ADAMTSL1: variants seen among roughly 807,000 people sequenced by gnomAD.
ADAMTSL1 encodes the protein ADAMTS-like protein 1.
ADAMTSL1 carries 126 observed loss-of-function variants against 201.8 expected under a neutral mutation model. The ratio of observed to expected loss-of-function variants is 0.62; its 90% CI spans 0.54 to 0.72. The LOEUF (loss-of-function observed/expected upper bound fraction) is 0.72, where lower values mean the gene tolerates loss of function less well. Among genes scored for constraint, ADAMTSL1 ranks in the 30% least tolerant of loss-of-function variants. The pLI is 0.00. For synonymous variants in ADAMTSL1, 1,121 were observed against 903.4 expected (o/e 1.24, Z -4.32); for missense variants, 2,679 against 2,277.8 (o/e 1.18, Z -3.59).
intron 2 of ADAMTSL1, among the ~76,000 whole-genome samples, chr9:18,434,575 ATAGG>A (rs769871315): frequency 3.3e-5 from 5 of 152,236 alleles, no homozygotes; most frequent in Non-Finnish European, 5.9e-5. Flanking sequence ...AGAAAATAAA[ATAGG>A]TAGAATACCT....
Position 17,911,701 on chromosome 9 carries a change from A to G in ADAMTSL1, c.87+4779A>G, listed in dbSNP as rs1745046297. ...TTTCTTATTTTATTTTATTACTATTATAATATAAGTTTTAGGGTACATGTG... is the reference window on the plus strand; with the variant it reads ...TTTCTTATTTTATTTTATTACTATTGTAATATAAGTTTTAGGGTACATGTG... On this transcript the variant is annotated intron_variant, in intron 1 of 29. Transcript: ENST00000680146. 2.9e-5 allele frequency among the ~76,000 whole-genome samples: 2 copies of G among 67,958 alleles called. 1 individual carries two copies. Among genetic ancestry groups the G allele is most frequent in the African/African-American group, 5.9e-5 (2 of 33,746 alleles). The allele number at this position is 67,958 out of a possible 152,430, so 44.6% of individuals were successfully genotyped here. A position where few individuals can be genotyped will look rare whatever the true frequency, so the allele number is the denominator to read the frequency against.
At chr9:18,831,111 C>A (rs759190424) in intron 23 of ADAMTSL1, among the ~76,000 whole-genome samples, 1 of 152,184 alleles carries the variant, frequency 6.6e-6, no homozygotes, top group Non-Finnish European at 1.5e-5. Flanking sequence ...CTGAAACTTG[C>A]AAAGAATCTT....
At chr9:18,023,195 C>T (rs1410988709) in intron 1 of ADAMTSL1, among the ~76,000 whole-genome samples, 1 of 152,076 alleles carries the variant, frequency 6.6e-6, no homozygotes, top group Non-Finnish European at 1.5e-5. Flanking sequence ...AACAATGACT[C>T]AAATTGTGGG....
chr9:18,162,379 C>A (rs1827431060), intron 1 of ADAMTSL1, among the ~76,000 whole-genome samples: 1 of 152,086 alleles, frequency 6.6e-6, no homozygotes, highest in South Asian at 2.1e-4. Context: ...AGGTTACTAA[C>A]CCTAATTAGT....
intron 1 of ADAMTSL1, among the ~76,000 whole-genome samples, chr9:17,922,421 C>A (rs948927379): frequency 6.6e-6 from 1 of 152,092 alleles, no homozygotes; most frequent in Non-Finnish European, 1.5e-5. Flanking sequence ...CAACTAAAAG[C>A]TGAGAAGTTT....
intron 16 of ADAMTSL1, among the ~76,000 whole-genome samples, chr9:18,760,078 A>G (rs1008955324): frequency 1.3e-5 from 2 of 152,118 alleles, no homozygotes. Flanking sequence ...AGCTTAATAC[A>G]TACCTGCCTG....
intron 1 of ADAMTSL1, among the ~76,000 whole-genome samples, chr9:18,137,632 C>T (rs990201926): frequency 1.2e-4 from 18 of 151,906 alleles, no homozygotes; most frequent in African/African-American, 3.1e-4. Context: ...ATAACGACTT[C>T]GGAGAAAACT....
chr9:18,614,275 G>A (rs978380516), intron 4 of ADAMTSL1, among the ~76,000 whole-genome samples: 2 of 152,092 alleles, frequency 1.3e-5, no homozygotes, highest in Non-Finnish European at 2.9e-5. Context: ...GTGTATCCTC[G>A]TTCTGCGTGT....
chr9:18,427,307 G>A (rs1819268853), intron 2 of ADAMTSL1, among the ~76,000 whole-genome samples: 1 of 152,318 alleles, frequency 6.6e-6, no homozygotes, highest in South Asian at 2.1e-4. Flanking sequence ...ATACTCAGAT[G>A]TGTTTTCAGT....
chr9:18,395,413 C>T (rs573799407), intron 2 of ADAMTSL1, among the ~76,000 whole-genome samples: 1 of 152,266 alleles, frequency 6.6e-6, no homozygotes, highest in East Asian at 1.9e-4. Context: ...AATGCACATG[C>T]TTTATTCAGA....
At chr9:18,142,251 C>G (rs1422143314) in intron 1 of ADAMTSL1, among the ~76,000 whole-genome samples, 1 of 152,138 alleles carries the variant, frequency 6.6e-6, no homozygotes, top group African/African-American at 2.4e-5. Flanking sequence ...ACAGAGCTCA[C>G]CAAATACATT....
At chr9:18,185,952 A>G (rs992444024) in intron 2 of ADAMTSL1, among the ~76,000 whole-genome samples, 4 of 152,242 alleles carry the variant, frequency 2.6e-5, no homozygotes, top group Non-Finnish European at 5.9e-5. Flanking sequence ...CTAGGATTAA[A>G]TGAAGGCATC....
At chr9:18,096,710 G>C (rs1471872528) in intron 1 of ADAMTSL1, among the ~76,000 whole-genome samples, 1 of 152,114 alleles carries the variant, frequency 6.6e-6, no homozygotes, top group Admixed American at 6.5e-5. Context: ...AAATGTATAT[G>C]TTGTATCATC....
chr9:18,494,833 T>C (rs150102215), intron 1 of ADAMTSL1, among the ~76,000 whole-genome samples: 114 of 152,274 alleles, frequency 7.5e-4, no homozygotes, highest in African/African-American at 2.7e-3. Context: ...CCACCTGGCA[T>C]TTATTAACAC....
intron 5 of ADAMTSL1, among the ~76,000 whole-genome samples, chr9:18,631,089 G>A (rs919296679): frequency 6.6e-6 from 1 of 152,214 alleles, no homozygotes; most frequent in African/African-American, 2.4e-5. Flanking sequence ...ATTGTGAGAT[G>A]TATTCTGATT....
chr9:18,242,212 AAATC>A (rs1348107865), intron 2 of ADAMTSL1, among the ~76,000 whole-genome samples: 4 of 152,196 alleles, frequency 2.6e-5, no homozygotes, highest in Non-Finnish European at 4.4e-5. Flanking sequence ...TAACATATGC[AAATC>A]AATCAATGTA....
At chr9:18,860,671 C>A (rs907567028) in intron 23 of ADAMTSL1, among the ~76,000 whole-genome samples, 2 of 152,126 alleles carry the variant, frequency 1.3e-5, no homozygotes, top group East Asian at 3.9e-4. Context: ...ATTCCCACCC[C>A]CACCATCATA....
chr9:18,777,241 C>A lies in ADAMTSL1; in HGVS notation c.3012C>A (p.Asn1004Lys). The A allele has an allele frequency of 3.1e-6, 5 of 1,612,530 alleles. No homozygotes were observed. Among genetic ancestry groups the A allele is most frequent in the Non-Finnish European group, 4.2e-6 (5 of 1,179,686 alleles). The change falls in exon 19 of 29, where the codon AAC becomes AAA. Residue 1004 changes from asparagine to lysine, a missense_variant. By Grantham distance (94) the Asn-to-Lys change is moderately conservative. Coordinates refer to ENST00000380548, the MANE Select transcript of ADAMTSL1 (RefSeq NM_001040272.6). The part of the protein sequence containing the change: ...THKHQNGIFS[N>K]GSKAEKRGLA... ...AACACCAGAACGGGATCTTCTCCAA[C>A]GGCAGCAAGGCGGAGAAGCGGGGCC... is the stretch of plus-strand genomic sequence containing the variant.
At chr9:18,779,436 A>T (rs555256378) in intron 19 of ADAMTSL1, among the ~76,000 whole-genome samples, 1 of 152,252 alleles carries the variant, frequency 6.6e-6, no homozygotes, top group East Asian at 1.9e-4. Flanking sequence ...TAAAGGCATT[A>T]TCTTGTTTAA....
Sources: gnomAD v4.1 joint callset for allele counts (sites outside exome capture counted in the v4.1 genomes callset) on GRCh38, gnomAD v4.1.1 for gene constraint, MANE v1.5 for transcripts, NCBI Gene and HGNC (gene_info 2026-07-23, HGNC 2026-07-21) for gene names.